RAB3GAP2: variants seen among roughly 807,000 people sequenced by gnomAD.
RAB3GAP2 encodes rab3 GTPase-activating protein non-catalytic subunit.
Under a neutral mutation model 185.3 loss-of-function variants are expected in RAB3GAP2, and 87 were observed. That is an observed-to-expected ratio of 0.47 (90% CI 0.39 to 0.56). The LOEUF is 0.56. Ranked by LOEUF, RAB3GAP2 falls within the 20% of genes least tolerant of loss-of-function variation. The pLI is 0.00. For missense variants in RAB3GAP2, 1,492 were observed against 1,638.2 expected, an observed-to-expected ratio of 0.91 and a Z score of 1.54; for synonymous variants, 554 against 576.1, an observed-to-expected ratio of 0.96 and a Z score of 0.55.
chr1:220,184,821 A>C (rs1658479838), intron 18 of RAB3GAP2, among the ~76,000 whole-genome samples: 1 of 152,036 alleles, frequency 6.6e-6, no homozygotes, highest in African/African-American at 2.4e-5. Context: ...CACGCTTTTT[A>C]AAAGAGGGAT....
At chr1:220,176,775 G>A (rs559734778) in intron 21 of RAB3GAP2, among the ~76,000 whole-genome samples, 1 of 152,210 alleles carries the variant, frequency 6.6e-6, no homozygotes, top group South Asian at 2.1e-4. Flanking sequence ...CCCCCTCACT[G>A]CAGCTGGAGA....
intron 1 of RAB3GAP2, among the ~76,000 whole-genome samples, chr1:220,256,195 T>C (rs146422675): frequency 4.7e-4 from 72 of 152,312 alleles, no homozygotes; most frequent in Non-Finnish European, 9.1e-4. Flanking sequence ...CCTTTTCCGA[T>C]AGGCAAATGC....
rs1658198435 is a variant in RAB3GAP2, at chr1:220,172,535, C to T, written c.2416+102G>A. On this transcript the variant is annotated intron_variant, in intron 22 of 34. Transcript: ENST00000358951. ...AATCTCTACGGTGAAATGTTTTGTA[C>T]ACTACAGACTCCTTTTGTTAAGGGA... 6.6e-6 allele frequency: 5 copies of T among 761,422 alleles called. No homozygotes were observed. The East Asian group carries it at 1.3e-4, about 20-fold the overall frequency. The allele number at this position is 761,422 out of a possible 1,614,324, so 47.2% of individuals were successfully genotyped here.
chr1:220,218,525 T>C (rs868652933), intron 2 of RAB3GAP2, among the ~76,000 whole-genome samples: 2 of 151,968 alleles, frequency 1.3e-5, no homozygotes, highest in Non-Finnish European at 2.9e-5. Flanking sequence ...CACTCATAGA[T>C]GGGAATTGAA....
rs1217989891 is a variant in RAB3GAP2, at chr1:220,149,184, A to C, written c.*2067T>G. ...TTTTAAAAGCCCTTGATAAGTAGTAAAATATTTAACTGCTTTTCTTAACCA... is the reference window on the plus strand; with the variant it reads ...TTTTAAAAGCCCTTGATAAGTAGTACAATATTTAACTGCTTTTCTTAACCA... On this transcript the variant is annotated 3_prime_UTR_variant, in exon 35 of 35. Transcript: ENST00000358951. The C allele has an allele frequency of 6.6e-6, 1 of 152,160 alleles. No homozygotes were observed. The highest frequency in any genetic ancestry group is 1.5e-5 in the Non-Finnish European group (1 of 68,026). 9.4% of individuals were successfully genotyped at this position (152,160 alleles called of 1,614,324 possible). A position where few individuals can be genotyped will look rare whatever the true frequency, so the allele number is the denominator to read the frequency against.
At chr1:220,176,318 G>A (rs1658288270) in intron 21 of RAB3GAP2, among the ~76,000 whole-genome samples, 1 of 151,938 alleles carries the variant, frequency 6.6e-6, no homozygotes, top group African/African-American at 2.4e-5. Flanking sequence ...CTAAATAATA[G>A]ATTTTGAGTA....
intron 1 of RAB3GAP2, among the ~76,000 whole-genome samples, chr1:220,258,162 A>G (rs1558173580): frequency 6.6e-6 from 1 of 152,206 alleles, no homozygotes. Flanking sequence ...CCAGAGGTAC[A>G]AAGAAGAGCT....
chr1:220,267,606 G>C, intron 1 of RAB3GAP2: 1 of 1,363,576 alleles, frequency 7.3e-7, no homozygotes, highest in East Asian at 2.3e-5. Context: ...TTCAGGTGCC[G>C]ACAGCGGGGA....
intron 2 of RAB3GAP2, among the ~76,000 whole-genome samples, chr1:220,223,619 G>C (rs544248584): frequency 1.9e-4 from 29 of 151,826 alleles, no homozygotes; most frequent in African/African-American, 7.0e-4. Flanking sequence ...CAAGAGAAAA[G>C]CGCATTCATC....
intron 1 of RAB3GAP2, among the ~76,000 whole-genome samples, chr1:220,237,824 T>C (rs1344392661): frequency 6.6e-6 from 1 of 151,226 alleles, no homozygotes; most frequent in Non-Finnish European, 1.5e-5. Context: ...CACTGTCTAA[T>C]AGAAATATAT....
At chr1:220,254,084 G>A in intron 1 of RAB3GAP2, 1 of 1,613,906 alleles carries the variant, frequency 6.2e-7, no homozygotes, top group Non-Finnish European at 8.5e-7. Context: ...GTTGATGACT[G>A]GGACTTAATT....
chr1:220,239,196 C>A (rs1333965619), intron 1 of RAB3GAP2, among the ~76,000 whole-genome samples: 1 of 152,128 alleles, frequency 6.6e-6, no homozygotes, highest in African/African-American at 2.4e-5. Context: ...GACTTATATT[C>A]AGGATCCAAA....
intron 9 of RAB3GAP2, among the ~76,000 whole-genome samples, chr1:220,199,656 GT>G (rs1327665807): frequency 2.6e-5 from 4 of 152,016 alleles, no homozygotes; most frequent in African/African-American, 4.8e-5. Context: ...CTGTAAAAAC[GT>G]AACTCTTTAT....
intron 16 of RAB3GAP2, 36 bp downstream of exon 16, chr1:220,190,028 C>T (rs541440767): frequency 1.4e-6 from 2 of 1,458,852 alleles, no homozygotes; most frequent in Admixed American, 1.7e-5. Flanking sequence ...GATGATAGAA[C>T]AATATGCTTT....
chr1:220,272,146 C>A, intron 1 of RAB3GAP2, 77 bp downstream of exon 1: 2 of 1,241,478 alleles, frequency 1.6e-6, no homozygotes, highest in Admixed American at 2.0e-5. Flanking sequence ...AGGCGCAGAG[C>A]GAGTAGGAGA....
intron 26 of RAB3GAP2, among the ~76,000 whole-genome samples, chr1:220,166,333 T>C (rs1026585799): frequency 2.6e-5 from 4 of 152,228 alleles, no homozygotes; most frequent in Non-Finnish European, 5.9e-5. Context: ...TTCTCTACAA[T>C]AGTGCAACCT....
chr1:220,184,932 T>C lies in RAB3GAP2; in HGVS notation c.1870+719A>G, dbSNP rs537768709. 3.3e-5 allele frequency among the ~76,000 whole-genome samples: 5 copies of C among 152,166 alleles called. No individual in the cohort carries two copies. In the South Asian group the frequency reaches 1.0e-3, roughly 32 times the overall value. Reference sequence around the variant, plus strand: ...AAAGGTTGAAAAAGAGTCTCAAAATTAGCATGTTTGAAGTCCTGAAAGAAC... The same window carrying C: ...AAAGGTTGAAAAAGAGTCTCAAAATCAGCATGTTTGAAGTCCTGAAAGAAC... On this transcript the variant is annotated intron_variant, in intron 18 of 34. Transcript: ENST00000358951.
At chr1:220,256,747 A>G (rs1462671725) in intron 1 of RAB3GAP2, among the ~76,000 whole-genome samples, 1 of 152,254 alleles carries the variant, frequency 6.6e-6, no homozygotes, top group East Asian at 1.9e-4. Flanking sequence ...AGTGAGATTC[A>G]CAAAGCAAGT....
chr1:220,240,823 G>A (rs983568096), intron 1 of RAB3GAP2, among the ~76,000 whole-genome samples: 2 of 151,514 alleles, frequency 1.3e-5, no homozygotes, highest in African/African-American at 2.4e-5. Context: ...TAGAATAATC[G>A]GTAACATAAC....
Sources: gnomAD v4.1 joint callset for allele counts (sites outside exome capture counted in the v4.1 genomes callset) on GRCh38, gnomAD v4.1.1 for gene constraint, MANE v1.5 for transcripts, NCBI Gene and HGNC (gene_info 2026-07-23, HGNC 2026-07-21) for gene names.